RIPK1: variants seen among roughly 807,000 people sequenced by gnomAD.
RIPK1 encodes the protein receptor-interacting serine/threonine-protein kinase 1.
In RIPK1, 27 loss-of-function variants were observed where a neutral mutation model predicts 62.4. The ratio of observed to expected loss-of-function variants is 0.43; its 90% CI spans 0.32 to 0.60. The LOEUF (loss-of-function observed/expected upper bound fraction) is 0.60, where lower values mean the gene tolerates loss of function less well. Among genes scored for constraint, RIPK1 ranks in the 20% least tolerant of loss-of-function variants. The probability of loss-of-function intolerance (pLI) is 0.07; values close to 1 mark genes in which losing one functional copy is unlikely to be tolerated. For synonymous variants in RIPK1, 287 were observed against 303.2 expected (o/e 0.95, Z 0.55); for missense variants, 735 against 831.0 (o/e 0.88, Z 1.42).
At chr6:3,090,579 G>C (rs1303533885) in intron 7 of RIPK1, among the ~76,000 whole-genome samples, 1 of 151,844 alleles carries the variant, frequency 6.6e-6, no homozygotes, top group Non-Finnish European at 1.5e-5. Flanking sequence ...CCAGCCAAAA[G>C]TGACAGAACT....
intron 9 of RIPK1, among the ~76,000 whole-genome samples, chr6:3,108,519 T>C (rs1760979642): frequency 6.6e-6 from 1 of 152,170 alleles, no homozygotes; most frequent in Non-Finnish European, 1.5e-5. Context: ...GAGCGCAGAC[T>C]GTGAGTGACG....
At chr6:3,073,048 C>T (rs1040469959) in intron 1 of RIPK1, among the ~76,000 whole-genome samples, 2 of 152,010 alleles carry the variant, frequency 1.3e-5, no homozygotes, top group Non-Finnish European at 2.9e-5. Context: ...GGCGGCTGGG[C>T]CAACCATAGC....
chr6:3,077,596 CAGG>C (rs536890320), intron 2 of RIPK1, among the ~76,000 whole-genome samples, 180 bp from the exon 3 acceptor site: 8 of 152,180 alleles, frequency 5.3e-5, no homozygotes, highest in South Asian at 2.1e-4. Flanking sequence ...AGTTACTGGG[CAGG>C]AGTACTGTGA....
At chr6:3,110,620 TA>T (rs1448672720) in intron 9 of RIPK1, among the ~76,000 whole-genome samples, 182 bp from the exon 10 acceptor site, 9 of 151,914 alleles carry the variant, frequency 5.9e-5, no homozygotes, top group Non-Finnish European at 7.4e-5. Context: ...TTTTTTTTTT[TA>T]ATCATAGGCA....
chr6:3,101,002 T>C (rs1382620923), intron 7 of RIPK1, among the ~76,000 whole-genome samples: 1 of 152,202 alleles, frequency 6.6e-6, no homozygotes, highest in Non-Finnish European at 1.5e-5. Flanking sequence ...ACTTTTCATA[T>C]TAGGCTAAGC....
chr6:3,078,701 A>G (rs1368742566), intron 3 of RIPK1, among the ~76,000 whole-genome samples: 1 of 152,274 alleles, frequency 6.6e-6, no homozygotes, highest in Non-Finnish European at 1.5e-5. Flanking sequence ...TAAATTAAAT[A>G]TAGAAATTAT....
At chr6:3,094,142 T>C (rs79834184) in intron 7 of RIPK1, among the ~76,000 whole-genome samples, 7 of 112,160 alleles carry the variant, frequency 6.2e-5, no homozygotes, top group East Asian at 2.5e-4. Flanking sequence ...AACTGCAGAG[T>C]ACCTACCTGC....
rs181625050 is a variant in RIPK1, at chr6:3,102,527, G to C, written c.916-1698G>C. 9.9e-5 allele frequency among the ~76,000 whole-genome samples: 15 copies of C among 152,268 alleles called. 1 individual carries two copies. The highest frequency in any genetic ancestry group is 4.6e-4 in the Admixed American group (7 of 15,300). On this transcript the variant is annotated intron_variant, in intron 7 of 10. Coordinates refer to ENST00000259808, the MANE Select transcript of RIPK1 (RefSeq NM_001354930.2). ...GGATACTACACCTGCACCATATTTT[G>C]AGTTCCTGCCTTCAGTTCTTTGGGG... is the stretch of plus-strand genomic sequence containing the variant.
chr6:3,090,254 A>C (rs913662375), intron 7 of RIPK1, among the ~76,000 whole-genome samples: 1 of 152,162 alleles, frequency 6.6e-6, no homozygotes, highest in Non-Finnish European at 1.5e-5. Flanking sequence ...GACAAGGCCC[A>C]GTTAGGAACC....
chr6:3,070,050 C>G (rs764736003), intron 1 of RIPK1, among the ~76,000 whole-genome samples: 20 of 151,980 alleles, frequency 1.3e-4, no homozygotes, highest in Non-Finnish European at 2.6e-4. Context: ...TACTGCAGCT[C>G]TTCTATTCAC....
chr6:3,077,002 GGGGT>G lies in RIPK1; in HGVS notation c.164+23_164+26del. 1 of 1,588,692 alleles carries G rather than the reference GGGGT, an allele frequency of 6.3e-7. No individual in the cohort carries two copies. Among genetic ancestry groups the G allele is most frequent in the Non-Finnish European group, 8.6e-7 (1 of 1,165,694 alleles). On this transcript the variant is annotated intron_variant, in intron 2 of 10. Transcript: ENST00000259808. The stretch of plus-strand genomic sequence containing the variant: ...AACTGCATTGAGTGAGTAGGGAGCA[GGGGT>G]GGGTGGGCTAAGTTCTGAGCGGGAT...
At position 3,106,004 on chromosome 6, in the gene RIPK1, A is replaced by G. The variant is rs751693210; in HGVS notation, c.1529A>G (p.Tyr510Cys). The G allele has an allele frequency of 1.2e-5, 20 of 1,613,300 alleles. No individual in the cohort carries two copies. The highest frequency in any genetic ancestry group is 3.3e-5 in the Admixed American group (2 of 60,000). ...LHNIPVPETN[Y>C]LGNTPTMPFS... ...AATATCCCAGTGCCTGAGACCAACT[A>G]TCTAGGAAATACACCCACCATGCCA... The change falls in exon 9 of 11, where the codon TAT (tyrosine) becomes TGT (cysteine). Residue 510 changes from tyrosine (Y) to cysteine (C), a missense_variant. Physicochemically the swap from Tyr to Cys is radical, Grantham distance 194. Around this residue, in one of 2 missense-constraint regions of RIPK1, gnomAD observed 671 missense variants for 726.2 expected, o/e 0.92. Transcript: ENST00000259808.
chr6:3,076,775 G>A lies in RIPK1; in HGVS notation c.-49G>A. 1 of 1,593,470 alleles carries A rather than the reference G, an allele frequency of 6.3e-7. No individual in the cohort carries two copies. The highest frequency in any genetic ancestry group is 1.1e-5 in the South Asian group (1 of 90,264). ...TGTTTTCTTTACAGGGTACAGCTCT[G>A]CCGGGGGGGGAAAAAGTGGTACCAT... On this transcript the variant is annotated 5_prime_UTR_variant, in exon 2 of 11. Coordinates refer to ENST00000259808, the MANE Select transcript of RIPK1 (RefSeq NM_001354930.2).
chr6:3,073,671 T>C lies in RIPK1; in HGVS notation c.-60-3093T>C, dbSNP rs144817520. 8.0e-4 allele frequency among the ~76,000 whole-genome samples: 122 copies of C among 152,310 alleles called. 1 individual carries two copies. The highest frequency in any genetic ancestry group is 2.9e-3 in the African/African-American group (120 of 41,560). On this transcript the variant is annotated intron_variant, in intron 1 of 10. Coordinates refer to ENST00000259808, the MANE Select transcript of RIPK1 (RefSeq NM_001354930.2). ...GGCCCATAGGTGCTGCTGTATGAGC[T>C]TCCTCCGCTAGACAGAGCTGGCCCC...
chr6:3,079,789 G>A (rs1759281092), intron 3 of RIPK1, among the ~76,000 whole-genome samples: 1 of 152,238 alleles, frequency 6.6e-6, no homozygotes, highest in African/African-American at 2.4e-5. Context: ...CCCAGAACTA[G>A]AGAAGATCAG....
chr6:3,068,624 G>C lies in RIPK1; in HGVS notation c.-98G>C. ...CGGGCGGGGCCGACGGAGCGCGGCA[G>C]GACTTGGCTGGACGGCGCGGCCACG... On this transcript the variant is annotated 5_prime_UTR_variant, in exon 1 of 11. Coordinates refer to ENST00000259808, the MANE Select transcript of RIPK1 (RefSeq NM_001354930.2). The C allele has an allele frequency of 1.0e-6, 1 of 985,280 alleles. No homozygotes were observed. Among genetic ancestry groups the C allele is most frequent in the Non-Finnish European group, 1.2e-6 (1 of 829,936 alleles). The allele number at this position is 985,280 out of a possible 1,614,324, so 61.0% of individuals were successfully genotyped here. A position where few individuals can be genotyped will look rare whatever the true frequency, so the allele number is the denominator to read the frequency against.
intron 1 of RIPK1, among the ~76,000 whole-genome samples, chr6:3,074,394 G>C (rs954445088): frequency 6.6e-6 from 1 of 152,190 alleles, no homozygotes; most frequent in Non-Finnish European, 1.5e-5. Context: ...TTGCTGAGTA[G>C]TATCCCATCG....
rs958879203 is a variant in RIPK1 at position 3,105,772 on chromosome 6, G to C, written c.1297G>C (p.Glu433Gln). 6.2e-7 allele frequency: 1 copy of C among 1,614,204 alleles called. No individual in the cohort carries two copies. The highest frequency in any genetic ancestry group is 8.5e-7 in the Non-Finnish European group (1 of 1,180,042). Reference sequence around the variant, plus strand: ...ACCTTACGAGAATTTTCAGAATACAGAGGGAAAAGGCACTGCTTATTCCAG... The same window carrying C: ...ACCTTACGAGAATTTTCAGAATACACAGGGAAAAGGCACTGCTTATTCCAG... ...QRPYENFQNT[E>Q]GKGTAYSSAA... is the part of the protein sequence containing the mutation. Residue 433 changes from glutamate to glutamine, a missense_variant, in exon 9 of 11, where the codon GAG becomes CAG. Transcript: ENST00000259808. This position sits in a 1 kb window ranked among gnomAD's most constrained non-coding sequence, Gnocchi z 4.5.
chr6:3,085,380 G>C lies in RIPK1; in HGVS notation c.810G>C (p.Ala270=), dbSNP rs768280757. 1 of 1,614,204 alleles carries C rather than the reference G, an allele frequency of 6.2e-7. No individual in the cohort carries two copies. The part of the protein sequence containing the change: ...IISLMKLCWE[A]NPEARPTFPG... ...GTCTCATGAAGCTCTGCTGGGAAGC[G>C]AATCCGGAAGCTCGGCCGACATTTC... The change falls in exon 6 of 11, where the codon GCG becomes GCC. Residue 270 remains alanine, a synonymous_variant. Coordinates refer to ENST00000259808, the MANE Select transcript of RIPK1 (RefSeq NM_001354930.2).
Sources: allele counts gnomAD v4.1 joint callset (sites outside exome capture counted in the v4.1 genomes callset), GRCh38; gene constraint gnomAD v4.1.1; regional missense constraint gnomAD v4.1.1; non-coding constraint Gnocchi (gnomAD v3.1); transcripts MANE v1.5; gene names NCBI Gene and HGNC (gene_info 2026-07-23, HGNC 2026-07-21).